The following RGS9 variants were observed in gnomAD, a reference collection of about 807,000 sequenced individuals.
The protein encoded by RGS9 is regulator of G protein signaling 9, also known as regulator of G-protein signalling 9.
Under a neutral mutation model 102.0 loss-of-function variants are expected in RGS9, and 78 were observed. The observed-to-expected ratio is 0.76, with a 90% CI of 0.64 to 0.92. RGS9 has a LOEUF of 0.92. Among genes scored for constraint, RGS9 ranks in the 40% least tolerant of loss-of-function variants. The pLI is 0.00. For synonymous variants in RGS9, 353 were observed against 318.6 expected (o/e 1.11, Z -1.15); for missense variants, 833 against 866.1 (o/e 0.96, Z 0.48).
chr17:65,205,147 A>C (rs1402093553), intron 15 of RGS9, among the ~76,000 whole-genome samples: 1 of 152,242 alleles, frequency 6.6e-6, no homozygotes, highest in African/African-American at 2.4e-5. Context: ...GAGAAAAATC[A>C]ATCATTTTCT....
chr17:65,149,695 A>G (rs1910504940), intron 1 of RGS9, among the ~76,000 whole-genome samples: 1 of 152,246 alleles, frequency 6.6e-6, no homozygotes, highest in South Asian at 2.1e-4. Context: ...TCATGCATAC[A>G]TAACATATAT....
chr17:65,160,669 C>A, intron 5 of RGS9, 82 bp downstream of exon 5: 1 of 1,510,052 alleles, frequency 6.6e-7, no homozygotes, highest in Non-Finnish European at 9.2e-7. Context: ...TGACATTTGT[C>A]TTGCTGTCAT....
chr17:65,211,439 A>G (rs973220399), intron 17 of RGS9, among the ~76,000 whole-genome samples: 38 of 152,380 alleles, frequency 2.5e-4, no homozygotes, highest in African/African-American at 9.1e-4. Flanking sequence ...TGGCTAAAGA[A>G]CAAAGGCATT....
At chr17:65,170,117 C>T (rs746522382) in intron 8 of RGS9, among the ~76,000 whole-genome samples, 86 of 148,076 alleles carry the variant, frequency 5.8e-4, no homozygotes, top group Non-Finnish European at 9.2e-4. Flanking sequence ...TGCAATGGCA[C>T]GATTTCGGCT....
At chr17:65,139,640 T>G (rs759498167) in intron 1 of RGS9, among the ~76,000 whole-genome samples, 1 of 152,196 alleles carries the variant, frequency 6.6e-6, no homozygotes, top group Non-Finnish European at 1.5e-5. Flanking sequence ...TCTCTTCCCA[T>G]GCCCAGCTCA....
intron 8 of RGS9, among the ~76,000 whole-genome samples, chr17:65,168,545 CTTTTTTTTTTTTTT>C (rs5821624): frequency 1.2e-5 from 1 of 85,274 alleles, no homozygotes; most frequent in Non-Finnish European, 2.3e-5. Flanking sequence ...AGGGCTGGGA[CTTTTTTTTTTTTTT>C]TTTTTTTTGC....
intron 1 of RGS9, 126 bp downstream of exon 1, chr17:65,137,723 T>C: frequency 2.6e-6 from 2 of 784,046 alleles, no homozygotes; most frequent in East Asian, 5.4e-5. Context: ...CTCGATTTTA[T>C]TAAGTGACTT....
At chr17:65,147,589 T>A (rs1007364615) in intron 1 of RGS9, among the ~76,000 whole-genome samples, 8 of 136,112 alleles carry the variant, frequency 5.9e-5, no homozygotes, top group Non-Finnish European at 1.1e-4. Flanking sequence ...TTTAAAAACT[T>A]TTTTTTTTTT....
rs968717856 is a variant in RGS9, at chr17:65,197,016, G to C, written c.861-110G>C. 1.1e-4 allele frequency: 84 copies of C among 733,226 alleles called. No homozygotes were observed. In the African/African-American group the frequency reaches 1.4e-3, roughly 12 times the overall value. The allele number at this position is 733,226 out of a possible 1,614,324, so 45.4% of individuals were successfully genotyped here. A position where few individuals can be genotyped will look rare whatever the true frequency, so the allele number is the denominator to read the frequency against. On this transcript the variant is annotated intron_variant, in intron 12 of 18. Coordinates refer to ENST00000262406, the MANE Select transcript of RGS9 (RefSeq NM_003835.4). ...TGTGTTATGCAGGGATTGGGAGGAG[G>C]AGGATTGAATTGAGCCCTGGGCCAT...
chr17:65,184,506 G>T (rs536420407), intron 9 of RGS9, among the ~76,000 whole-genome samples: 2 of 152,062 alleles, frequency 1.3e-5, no homozygotes, highest in Admixed American at 6.6e-5. Context: ...GTCTATTATC[G>T]CATTTAGTCC....
chr17:65,198,034 G>C (rs1912664903), intron 13 of RGS9, among the ~76,000 whole-genome samples: 1 of 152,082 alleles, frequency 6.6e-6, no homozygotes, highest in African/African-American at 2.4e-5. Context: ...TTTAAAACAT[G>C]TTTTCCTGGA....
intron 7 of RGS9, 45 bp downstream of exon 7, chr17:65,163,134 C>A: frequency 1.1e-6 from 1 of 872,956 alleles, no homozygotes; most frequent in South Asian, 1.7e-5. Flanking sequence ...GTCTTTCCTC[C>A]CTCTCTTCCT....
intron 1 of RGS9, among the ~76,000 whole-genome samples, chr17:65,148,294 C>T (rs1458907955): frequency 6.6e-6 from 1 of 152,198 alleles, no homozygotes; most frequent in Non-Finnish European, 1.5e-5. Flanking sequence ...ATGCATAGAA[C>T]ACATTTTCTT....
chr17:65,210,582 G>A lies in RGS9; in HGVS notation c.1384G>A (p.Ala462Thr). Residue 462 changes from alanine (A) to threonine (T), a missense_variant, in exon 17 of 19, where the codon GCC (alanine) becomes ACC (threonine). Physicochemically the swap from Ala to Thr is moderately conservative, Grantham distance 58. Around this residue, in one of 3 missense-constraint regions of RGS9, gnomAD observed 185 missense variants for 248.7 expected, o/e 0.74. Transcript: ENST00000262406. Reference sequence around the variant, plus strand: ...AGAGGAAGCCAAGGCCCGAGAAGCAGCCAACACTGTGGACATCACCCAGGT... The same window carrying A: ...AGAGGAAGCCAAGGCCCGAGAAGCAACCAACACTGTGGACATCACCCAGGT... ...LEEEAKAREAANTVDITQPGQ... is the reference protein window; with the variant it reads ...LEEEAKAREATNTVDITQPGQ... 2 of 1,614,016 alleles carry A rather than the reference G, an allele frequency of 1.2e-6. No homozygotes were observed. Among genetic ancestry groups the A allele is most frequent in the South Asian group, 1.1e-5 (1 of 91,080 alleles).
intron 17 of RGS9, among the ~76,000 whole-genome samples, chr17:65,213,204 G>C (rs9914790): frequency 0.19 from 28,556 of 152,012 alleles, 4,663 homozygotes; most frequent in African/African-American, 0.44. Context: ...TGGAATGGGA[G>C]GAAAATTAGG....
intron 7 of RGS9, among the ~76,000 whole-genome samples, chr17:65,164,034 C>T (rs1911083847): frequency 6.6e-6 from 1 of 152,190 alleles, no homozygotes; most frequent in Admixed American, 6.5e-5. Context: ...AACTGGAAGT[C>T]CCCTCCAGGG....
At chr17:65,172,026 C>A (rs1400548281) in intron 8 of RGS9, among the ~76,000 whole-genome samples, 1 of 152,210 alleles carries the variant, frequency 6.6e-6, no homozygotes, top group African/African-American at 2.4e-5. Flanking sequence ...TATGCAGACA[C>A]TTGCCAGAGA....
Position 65,193,602 on chromosome 17 carries a change from C to T in RGS9, c.806C>T (p.Pro269Leu). 1 of 1,613,986 alleles carries T rather than the reference C, an allele frequency of 6.2e-7. No individual in the cohort carries two copies. The highest frequency in any genetic ancestry group is 1.1e-5 in the South Asian group (1 of 91,084). ...GATGCCATCATGTCAGGCTGCCTCC[C>T]CAGCAACCCCTGGATCACCGATGAC... ...SNDAIMSGCL[P>L]SNPWITDDTQ... The change falls in exon 12 of 19, where the codon CCC becomes CTC. Residue 269 changes from proline to leucine, a missense_variant. Physicochemically the swap from Pro to Leu is moderately conservative, Grantham distance 98. Coordinates refer to ENST00000262406, the MANE Select transcript of RGS9 (RefSeq NM_003835.4).
In RGS9 at chr17:65,187,850, G is replaced by T. The variant is rs963522415; in HGVS notation, c.655-1436G>T. ...GTCTCTACTAAAAATACAAAAATTAGCTGGGCGTGGTGGTGTGTGCCTGTA... is the reference window on the plus strand; with the variant it reads ...GTCTCTACTAAAAATACAAAAATTATCTGGGCGTGGTGGTGTGTGCCTGTA... On this transcript the variant is annotated intron_variant, in intron 9 of 18. Coordinates refer to ENST00000262406, the MANE Select transcript of RGS9 (RefSeq NM_003835.4). Among the ~76,000 whole-genome samples, 3 of 152,162 alleles carry T rather than the reference G, an allele frequency of 2.0e-5. No homozygotes were observed. In the East Asian group the frequency reaches 5.8e-4, roughly 29 times the overall value.
Sources: allele counts gnomAD v4.1 joint callset (sites outside exome capture counted in the v4.1 genomes callset), GRCh38; gene constraint gnomAD v4.1.1; regional missense constraint gnomAD v4.1.1; transcripts MANE v1.5; gene names NCBI Gene and HGNC (gene_info 2026-07-23, HGNC 2026-07-21).